SH3RF2: variants seen among roughly 807,000 people sequenced by gnomAD.
SH3RF2 encodes the protein E3 ubiquitin-protein ligase SH3RF2.
Under a neutral mutation model 59.0 loss-of-function variants are expected in SH3RF2, and 43 were observed. The ratio of observed to expected loss-of-function variants is 0.73; its 90% CI spans 0.57 to 0.94. The LOEUF is 0.94. Among genes scored for constraint, SH3RF2 ranks in the 40% least tolerant of loss-of-function variants. The probability of loss-of-function intolerance (pLI) is 0.00; values close to 1 mark genes in which losing one functional copy is unlikely to be tolerated. For synonymous variants in SH3RF2, 391 were observed against 391.5 expected, an observed-to-expected ratio of 1.00 and a Z score of 0.01; for missense variants, 930 against 940.1, an observed-to-expected ratio of 0.99 and a Z score of 0.14.
chr5:145,941,220 CA>C (rs1010177406), intron 2 of SH3RF2, among the ~76,000 whole-genome samples: 1 of 152,206 alleles, frequency 6.6e-6, no homozygotes, highest in African/African-American at 2.4e-5. Flanking sequence ...ATCTAAAAAA[CA>C]AGCTCATCAA....
chr5:145,943,340 G>C lies in SH3RF2; in HGVS notation c.378+5034G>C, dbSNP rs147073880. ...GTGGTAGCCAGGGGTTATGGACTGG[G>C]GGAGGATGGGACCAAAAAGGGGCAG... is the stretch of plus-strand genomic sequence containing the variant. On this transcript the variant is annotated intron_variant, in intron 2 of 9. Coordinates refer to ENST00000359120, the MANE Select transcript of SH3RF2 (RefSeq NM_152550.4). 4.7e-3 allele frequency among the ~76,000 whole-genome samples: 720 copies of C among 152,190 alleles called. 4 individuals are homozygous for C. Among genetic ancestry groups the C allele is most frequent in the Non-Finnish European group, 7.9e-3 (536 of 68,006 alleles).
chr5:145,941,588 C>T (rs1757816421), intron 2 of SH3RF2, among the ~76,000 whole-genome samples: 1 of 152,200 alleles, frequency 6.6e-6, no homozygotes, highest in Non-Finnish European at 1.5e-5. Context: ...TAGCTGATCT[C>T]TCTTCTTCCT....
rs142963048 is a variant in SH3RF2 at position 145,939,890 on chromosome 5, C to T, written c.378+1584C>T. Among the ~76,000 whole-genome samples the T allele has an allele frequency of 1.3e-3, 203 of 152,312 alleles. 1 individual carries two copies. Among genetic ancestry groups the T allele is most frequent in the African/African-American group, 4.4e-3 (184 of 41,578 alleles). On this transcript the variant is annotated intron_variant, in intron 2 of 9. Coordinates refer to ENST00000359120, the MANE Select transcript of SH3RF2 (RefSeq NM_152550.4). ...ATCACTTACTCAGGAAACGGTGTCA[C>T]ACTGGGAGGAGGCAGTTCCCTTATC...
chr5:145,995,375 T>C (rs1580829556), intron 2 of SH3RF2, among the ~76,000 whole-genome samples: 1 of 152,190 alleles, frequency 6.6e-6, no homozygotes, highest in Admixed American at 6.5e-5. Flanking sequence ...GGAAGAAGTA[T>C]GGAGGAACAA....
At chr5:146,064,807 GGAAAGAAAGAAAGAAA>G (rs1216580727), downstream of SH3RF2, among the ~76,000 whole-genome samples, 13 of 18,340 alleles carry the variant, frequency 7.1e-4, no homozygotes, top group African/African-American at 1.8e-3. Flanking sequence ...AAGGAAGGAA[GGAAAGAAAGAAAGAAA>G]GAAAGAAAGA....
At chr5:145,979,495 T>G (rs2149967950) in intron 2 of SH3RF2, among the ~76,000 whole-genome samples, 1 of 152,344 alleles carries the variant, frequency 6.6e-6, no homozygotes, top group South Asian at 2.1e-4. Flanking sequence ...TAAGTTATCT[T>G]ACTGCTCTAA....
At chr5:146,039,846 G>A (rs1248881907) in intron 5 of SH3RF2, among the ~76,000 whole-genome samples, 1 of 152,162 alleles carries the variant, frequency 6.6e-6, no homozygotes, top group East Asian at 1.9e-4. Flanking sequence ...ACTGAAAATT[G>A]CCCAAATGAC....
In SH3RF2 at chr5:146,005,853, T is replaced by TAA. The variant is rs1561737082; in HGVS notation, c.744+1700_744+1701insAA. Among the ~76,000 whole-genome samples the TAA allele has an allele frequency of 1.3e-4, 12 of 94,682 alleles. No homozygotes were observed. In the East Asian group the frequency reaches 3.7e-3, roughly 29 times the overall value. The allele number at this position is 94,682 out of a possible 152,430, so 62.1% of individuals were successfully genotyped here. Reference sequence around the variant, plus strand: ...GCCTAACACAGAACAAGCACTCTGTTTAAAAAAAAAAAAAAAAAGCTTAGC... The same window carrying TAA: ...GCCTAACACAGAACAAGCACTCTGTTAATAAAAAAAAAAAAAAAAAGCTTAGC... On this transcript the variant is annotated intron_variant, in intron 4 of 9. Transcript: ENST00000359120.
At chr5:145,942,648 AG>A (rs1757858755) in intron 2 of SH3RF2, among the ~76,000 whole-genome samples, 1 of 152,218 alleles carries the variant, frequency 6.6e-6, no homozygotes, top group Admixed American at 6.5e-5. Flanking sequence ...TGAAAACAGC[AG>A]ATAGGTGCCA....
intron 2 of SH3RF2, among the ~76,000 whole-genome samples, chr5:145,972,721 A>T (rs1759136075): frequency 6.6e-6 from 1 of 152,232 alleles, no homozygotes; most frequent in Non-Finnish European, 1.5e-5. Flanking sequence ...CAGGAGATAC[A>T]GAGTCTGCAT....
At chr5:146,057,038 GACA>G (rs1242701452) in intron 8 of SH3RF2, among the ~76,000 whole-genome samples, 4 of 152,136 alleles carry the variant, frequency 2.6e-5, no homozygotes, top group Non-Finnish European at 4.4e-5. Context: ...TGTAGAAGAA[GACA>G]ACAAGCCAAG....
intron 5 of SH3RF2, among the ~76,000 whole-genome samples, chr5:146,026,164 T>A (rs531502529): frequency 6.6e-6 from 1 of 152,332 alleles, no homozygotes; most frequent in Admixed American, 6.5e-5. Context: ...TGTAAAACAC[T>A]GGCAGGAAAA....
At chr5:146,045,813 A>T (rs571558431) in intron 5 of SH3RF2, among the ~76,000 whole-genome samples, 1 of 152,340 alleles carries the variant, frequency 6.6e-6, no homozygotes, top group African/African-American at 2.4e-5. Flanking sequence ...TTGTGTGGAC[A>T]CATGTTTTCA....
At chr5:146,071,682 T>C (rs545154312) in intron 9 of SH3RF2, among the ~76,000 whole-genome samples, 1 of 152,298 alleles carries the variant, frequency 6.6e-6, no homozygotes, top group South Asian at 2.1e-4. Context: ...ATGATGAGAT[T>C]TGGAACTGGA....
intron 2 of SH3RF2, among the ~76,000 whole-genome samples, chr5:145,981,297 C>T (rs1759497468): frequency 6.6e-6 from 1 of 152,036 alleles, no homozygotes; most frequent in South Asian, 2.1e-4. Context: ...CAGGGTCTCA[C>T]CATGTTGCCC....
downstream of SH3RF2, among the ~76,000 whole-genome samples, chr5:146,066,122 G>A (rs76018804): frequency 0.019 from 2,881 of 152,318 alleles, 28 homozygotes; most frequent in Non-Finnish European, 0.028. Context: ...GGCAGAGCAA[G>A]GACACAGTCT....
intron 2 of SH3RF2, among the ~76,000 whole-genome samples, chr5:145,982,279 C>G (rs566424207): frequency 6.6e-6 from 1 of 152,318 alleles, no homozygotes; most frequent in South Asian, 2.1e-4. Context: ...AACATTCATC[C>G]TCTCATCAAG....
rs149072373 is a variant in SH3RF2, at chr5:146,056,169, T to C, written c.1511T>C (p.Leu504Ser). The C allele has an allele frequency of 1.4e-5, 22 of 1,614,068 alleles. No individual in the cohort carries two copies. The African/African-American group carries it at 2.7e-4, about 20-fold the overall frequency. ...AGAAGCACAGCCGGCCCTGGGACTT[T>C]AGGACAAGGGTCTCTTCGGAAAGGG... ...PVRSTAGPGT[L>S]GQGSLRKGRS... is the part of the protein sequence containing the mutation. Residue 504 changes from leucine (L) to serine (S), a missense_variant, in exon 8 of 10, where the codon TTA (leucine) becomes TCA (serine). By Grantham distance (145) the Leu-to-Ser change is moderately radical. Transcript: ENST00000359120.
chr5:145,951,420 C>G (rs17104082), intron 2 of SH3RF2, among the ~76,000 whole-genome samples: 1 of 152,148 alleles, frequency 6.6e-6, no homozygotes, highest in Non-Finnish European at 1.5e-5. Context: ...CAGTTTACAT[C>G]TTGGTTCTCT....
Sources: gnomAD v4.1 joint callset for allele counts (sites outside exome capture counted in the v4.1 genomes callset) on GRCh38, gnomAD v4.1.1 for gene constraint, MANE v1.5 for transcripts, NCBI Gene and HGNC (gene_info 2026-07-23, HGNC 2026-07-21) for gene names.